The following MIPEP variants were observed in gnomAD, a reference collection of about 807,000 sequenced individuals.
The protein encoded by MIPEP is mitochondrial intermediate peptidase.
Under a neutral mutation model 90.3 loss-of-function variants are expected in MIPEP, and 79 were observed. That is an observed-to-expected ratio of 0.87 (90% CI 0.73 to 1.05). The LOEUF is 1.05. Ranked by LOEUF, MIPEP falls within the 50% of genes least tolerant of loss-of-function variation. The pLI is 0.00. For synonymous variants in MIPEP, 334 were observed against 315.8 expected, an observed-to-expected ratio of 1.06 and a Z score of -0.61; for missense variants, 940 against 905.6, an observed-to-expected ratio of 1.04 and a Z score of -0.49.
chr13:23,765,580 C>T (rs768660003), intron 16 of MIPEP, among the ~76,000 whole-genome samples: 6 of 152,182 alleles, frequency 3.9e-5, no homozygotes, highest in East Asian at 1.9e-4. Context: ...CTATAAACCA[C>T]GAGTATAGAA....
At chr13:23,761,520 C>A (rs1401187687) in intron 16 of MIPEP, among the ~76,000 whole-genome samples, 1 of 152,188 alleles carries the variant, frequency 6.6e-6, no homozygotes, top group African/African-American at 2.4e-5. Context: ...GGAAAAGCCA[C>A]ATGGATTTTC....
At chr13:23,742,510 T>TGCTCAG (rs1565978652) in intron 18 of MIPEP, among the ~76,000 whole-genome samples, 1 of 152,236 alleles carries the variant, frequency 6.6e-6, no homozygotes. Flanking sequence ...GATACAGCAT[T>TGCTCAG]TAACACACAG....
chr13:23,770,918 C>T (rs928991776), intron 16 of MIPEP, among the ~76,000 whole-genome samples: 1 of 152,204 alleles, frequency 6.6e-6, no homozygotes, highest in Non-Finnish European at 1.5e-5. Context: ...GTGCTCACCA[C>T]CCTTTCCTCT....
chr13:23,839,739 A>T lies in MIPEP; in HGVS notation c.1261-13T>A, dbSNP rs1400048585. 3.7e-6 allele frequency: 6 copies of T among 1,600,414 alleles called. No homozygotes were observed. The highest frequency in any genetic ancestry group is 1.3e-5 in the African/African-American group (1 of 74,188). On this transcript the variant is annotated splice_polypyrimidine_tract_variant and intron_variant, in intron 11 of 18. Transcript: ENST00000382172. ...CATGAACAACAGCCTAGAAAAAAAA[A>T]TTTAAATTTGGTGGTAAATGAGGCC...
intron 18 of MIPEP, among the ~76,000 whole-genome samples, chr13:23,743,099 C>G (rs548997402): frequency 6.6e-6 from 1 of 152,186 alleles, no homozygotes; most frequent in Non-Finnish European, 1.5e-5. Flanking sequence ...TACCAAAAAG[C>G]AGATTATCTA....
At chr13:23,738,615 T>G (rs9507155) in intron 18 of MIPEP, among the ~76,000 whole-genome samples, 27,912 of 135,610 alleles carry the variant, frequency 0.21, 3,077 homozygotes, top group East Asian at 0.43. Flanking sequence ...GCCCAGCTAG[T>G]TTTTTTTTTT....
chr13:23,857,527 G>A (rs1870098768), intron 10 of MIPEP, among the ~76,000 whole-genome samples: 1 of 152,116 alleles, frequency 6.6e-6, no homozygotes, highest in Non-Finnish European at 1.5e-5. Context: ...ACATGATTAC[G>A]CCACTGTACT....
chr13:23,855,802 ATTAG>A (rs1161264075), intron 10 of MIPEP, among the ~76,000 whole-genome samples: 2 of 152,200 alleles, frequency 1.3e-5, no homozygotes, highest in Non-Finnish European at 2.9e-5. Flanking sequence ...AAATAAATAA[ATTAG>A]TATTAAAACT....
chr13:23,753,103 C>T (rs539232692), intron 18 of MIPEP, among the ~76,000 whole-genome samples: 108 of 151,996 alleles, frequency 7.1e-4, no homozygotes, highest in Middle Eastern at 6.8e-3. Flanking sequence ...TGGCACATGC[C>T]TGTGGTCCCA....
chr13:23,885,068 T>C (rs1871418584), intron 2 of MIPEP, among the ~76,000 whole-genome samples: 2 of 152,086 alleles, frequency 1.3e-5, no homozygotes, highest in African/African-American at 2.4e-5. Context: ...CATGAACAGA[T>C]GAATGGATAA....
chr13:23,881,816 G>A (rs774934973), intron 2 of MIPEP, 29 bp from the exon 3 acceptor site: 2 of 1,558,398 alleles, frequency 1.3e-6, no homozygotes, highest in South Asian at 2.2e-5. Flanking sequence ...AAAACCAAAA[G>A]GGAATTTGAT....
At chr13:23,786,517 G>A (rs1477066617) in intron 16 of MIPEP, among the ~76,000 whole-genome samples, 1 of 151,456 alleles carries the variant, frequency 6.6e-6, no homozygotes, top group African/African-American at 2.4e-5. Flanking sequence ...ACAAAATAGG[G>A]GAAATACGTA....
intron 16 of MIPEP, 131 bp from the exon 17 acceptor site, chr13:23,760,348 A>C: frequency 8.7e-7 from 1 of 1,143,728 alleles, no homozygotes; most frequent in South Asian, 1.3e-5. Context: ...CTAGAAGGCT[A>C]CGTCACCTAT....
intron 14 of MIPEP, among the ~76,000 whole-genome samples, chr13:23,831,303 G>C (rs1868723485): frequency 6.8e-6 from 1 of 147,396 alleles, no homozygotes; most frequent in African/African-American, 2.5e-5. Flanking sequence ...ATCAGGATCT[G>C]GGGACAGTGA....
intron 17 of MIPEP, among the ~76,000 whole-genome samples, chr13:23,757,656 C>T (rs1171784051): frequency 6.6e-6 from 1 of 152,144 alleles, no homozygotes. Flanking sequence ...TCAGCAAACT[C>T]CACTGGAGTG....
intron 2 of MIPEP, 112 bp downstream of exon 2, chr13:23,886,221 C>A: frequency 1.2e-6 from 1 of 834,206 alleles, no homozygotes; most frequent in Non-Finnish European, 1.6e-6. Flanking sequence ...CAGTTTCAGA[C>A]ATTTTTAACT....
At chr13:23,866,886 C>T (rs367601856) in intron 7 of MIPEP, among the ~76,000 whole-genome samples, 14 of 152,206 alleles carry the variant, frequency 9.2e-5, no homozygotes, top group African/African-American at 2.9e-4. Flanking sequence ...TCCTCCCAAT[C>T]TTAGTTAACA....
At chr13:23,770,256 C>T (rs1952634417) in intron 16 of MIPEP, among the ~76,000 whole-genome samples, 1 of 152,176 alleles carries the variant, frequency 6.6e-6, no homozygotes, top group African/African-American at 2.4e-5. Flanking sequence ...TCCAGACATG[C>T]CACTGACTTG....
intron 14 of MIPEP, among the ~76,000 whole-genome samples, chr13:23,834,738 G>A (rs74041406): frequency 0.025 from 3,866 of 152,194 alleles, 184 homozygotes; most frequent in African/African-American, 0.089. Context: ...CAGGGCCCTC[G>A]TGGCCCTGCC....
Sources: allele counts gnomAD v4.1 joint callset (sites outside exome capture counted in the v4.1 genomes callset), GRCh38; gene constraint gnomAD v4.1.1; transcripts MANE v1.5; gene names NCBI Gene and HGNC (gene_info 2026-07-23, HGNC 2026-07-21).